Variants in CYTIP observed in about 807,000 individuals in gnomAD.
The protein encoded by CYTIP is cytohesin-interacting protein.
A neutral mutation model predicts 43.8 loss-of-function variants in CYTIP; 26 were observed. That is an observed-to-expected ratio of 0.59 (90% CI 0.44 to 0.82). The LOEUF (loss-of-function observed/expected upper bound fraction) is 0.82, where lower values mean the gene tolerates loss of function less well. CYTIP is among the 40% of genes least tolerant of loss of function. CYTIP has a pLI of 0.00. For missense variants in CYTIP, 426 were observed against 443.1 expected (o/e 0.96, Z 0.35); for synonymous variants, 162 against 162.9 (o/e 0.99, Z 0.04).
At chr2:157,433,112 C>T (rs1229944346) in intron 3 of CYTIP, among the ~76,000 whole-genome samples, 1 of 152,094 alleles carries the variant, frequency 6.6e-6, no homozygotes, top group Admixed American at 6.5e-5. Context: ...GGTGAGTAGT[C>T]GTTTATCCAG....
chr2:157,442,295 G>A (rs1057106521), intron 1 of CYTIP, among the ~76,000 whole-genome samples: 4 of 152,082 alleles, frequency 2.6e-5, no homozygotes, highest in Non-Finnish European at 4.4e-5. Flanking sequence ...TTCCCTTCTC[G>A]TCTTTTTACC....
chr2:157,418,626 A>G (rs913647641), intron 6 of CYTIP, 37 bp from the exon 7 acceptor site: 14 of 1,497,652 alleles, frequency 9.3e-6, no homozygotes, highest in Non-Finnish European at 1.3e-5. Context: ...AGTTTTTATT[A>G]TTAGGAAACC....
At chr2:157,427,447 G>A in intron 5 of CYTIP, 27 bp from the exon 6 acceptor site, 1 of 1,533,376 alleles carries the variant, frequency 6.5e-7, no homozygotes, top group Non-Finnish European at 8.8e-7. Flanking sequence ...AAAAAGAAGA[G>A]GAAGGTGGGG....
chr2:157,434,417 C>A lies in CYTIP; in HGVS notation c.232G>T (p.Val78Phe). 1.2e-6 allele frequency: 2 copies of A among 1,611,032 alleles called. 1 individual carries two copies. Among genetic ancestry groups the A allele is most frequent in the South Asian group, 2.2e-5 (2 of 90,698 alleles). The change falls in exon 3 of 8, where the codon GTT becomes TTT. Residue 78 changes from valine (V) to phenylalanine (F), a missense_variant. Coordinates refer to ENST00000264192, the MANE Select transcript of CYTIP (RefSeq NM_004288.5). ...TCATTATCCTGCTTCTCCACAGTAA[C>A]AAGCTTTCTGTAATAAAAATGTTTA... ...SDFSWSQRKL[V>F]TVEKQDNETF...
chr2:157,420,761 A>G (rs1685510695), intron 6 of CYTIP, among the ~76,000 whole-genome samples: 2 of 151,940 alleles, frequency 1.3e-5, no homozygotes, highest in Admixed American at 1.3e-4. Flanking sequence ...CGTAGGGAGT[A>G]TAAGGCTAGC....
At chr2:157,439,144 T>A (rs1685862579) in intron 1 of CYTIP, 1 of 158,920 alleles carries the variant, frequency 6.3e-6, no homozygotes, top group South Asian at 1.7e-4. Context: ...GTGGACTGAC[T>A]AATTTGGGTT....
In CYTIP at chr2:157,427,374, C is replaced by G. The variant is rs766035446; in HGVS notation, c.523G>C (p.Glu175Gln). ...GTMILKRTEL[E>Q]AKLQVLKQTL... ...ACCTTTAAAACCTGCAGCTTTGCTTCAAGCTCCGTTCTTTTCAGAATCATT... is the reference window on the plus strand; with the variant it reads ...ACCTTTAAAACCTGCAGCTTTGCTTGAAGCTCCGTTCTTTTCAGAATCATT... The change falls in exon 6 of 8, where the codon GAA (glutamate) becomes CAA (glutamine). Residue 175 changes from glutamate to glutamine, a missense_variant. Glu to Gln is a conservative substitution (Grantham distance 29, BLOSUM62 2). Transcript: ENST00000264192. The G allele has an allele frequency of 6.2e-7, 1 of 1,610,226 alleles. No homozygotes were observed. Among genetic ancestry groups the G allele is most frequent in the East Asian group, 2.2e-5 (1 of 44,816 alleles).
rs868272646 is a variant in CYTIP, at chr2:157,437,563, G to A, written c.175-2816C>T. ...AAAAATACAAAAATTAGCCAGGCAT[G>A]ATGGCAGGTGCCTGTAATCCCAGAT... On this transcript the variant is annotated intron_variant, in intron 1 of 7. Coordinates refer to ENST00000264192, the MANE Select transcript of CYTIP (RefSeq NM_004288.5). 3.3e-5 allele frequency among the ~76,000 whole-genome samples: 5 copies of A among 152,100 alleles called. 1 individual carries two copies. The South Asian group carries it at 8.3e-4, about 25-fold the overall frequency.
At chr2:157,423,340 G>GA (rs1685553948) in intron 6 of CYTIP, among the ~76,000 whole-genome samples, 1 of 151,542 alleles carries the variant, frequency 6.6e-6, no homozygotes. Context: ...CAAACTGCAA[G>GA]AAAAAAATGG....
intron 1 of CYTIP, among the ~76,000 whole-genome samples, chr2:157,441,845 C>T (rs189168605): frequency 2.4e-4 from 36 of 152,290 alleles, no homozygotes; most frequent in African/African-American, 8.2e-4. Flanking sequence ...GCAAAAGTTC[C>T]TCCCTCACCA....
intron 6 of CYTIP, among the ~76,000 whole-genome samples, chr2:157,419,566 G>C (rs147083953): frequency 2.6e-5 from 4 of 152,274 alleles, no homozygotes; most frequent in Non-Finnish European, 5.9e-5. Flanking sequence ...AAAAGACATA[G>C]CCATAGGCTC....
intron 6 of CYTIP, among the ~76,000 whole-genome samples, chr2:157,425,437 A>C (rs1424608865): frequency 6.6e-6 from 1 of 152,144 alleles, no homozygotes; most frequent in Non-Finnish European, 1.5e-5. Flanking sequence ...TTGTACTTTA[A>C]AAAAATTGAT....
In CYTIP at chr2:157,430,666, AG is replaced by A; in HGVS notation, c.383-15del. The A allele has an allele frequency of 6.2e-7, 1 of 1,608,994 alleles. No homozygotes were observed. The highest frequency in any genetic ancestry group is 8.5e-7 in the Non-Finnish European group (1 of 1,175,272). ...CAAGGACATCACCTGGGAGATGCCA[AG>A]AAAAATGAGTGTTATGTTGGTTAGT... is the stretch of plus-strand genomic sequence containing the variant. On this transcript the variant is annotated splice_polypyrimidine_tract_variant and intron_variant, in intron 4 of 7. Transcript: ENST00000264192.
chr2:157,427,468 A>C lies in CYTIP; in HGVS notation c.477-48T>G, dbSNP rs376050248. The stretch of plus-strand genomic sequence containing the variant: ...AAGAGGAAGGTGGGGAGTGAGTAAC[A>C]TGAGTGATTCGTTTAAATAAGTACC... On this transcript the variant is annotated intron_variant, in intron 5 of 7. Coordinates refer to ENST00000264192, the MANE Select transcript of CYTIP (RefSeq NM_004288.5). 6 of 1,407,126 alleles carry C rather than the reference A, an allele frequency of 4.3e-6. No homozygotes were observed. In the South Asian group the frequency reaches 7.5e-5, roughly 18 times the overall value. The allele number at this position is 1,407,126 out of a possible 1,614,324, so 87.2% of individuals were successfully genotyped here. A position where few individuals can be genotyped will look rare whatever the true frequency, so the allele number is the denominator to read the frequency against.
intron 1 of CYTIP, among the ~76,000 whole-genome samples, chr2:157,440,105 C>T (rs185680737): frequency 2.0e-4 from 31 of 152,274 alleles, no homozygotes; most frequent in Middle Eastern, 6.8e-3. Context: ...GGAGAGGTTA[C>T]TGATTCCAGA....
At chr2:157,438,349 G>T (rs1685847319) in intron 1 of CYTIP, among the ~76,000 whole-genome samples, 1 of 152,162 alleles carries the variant, frequency 6.6e-6, no homozygotes, top group Admixed American at 6.5e-5. Context: ...GTAAAAAGTA[G>T]AACAGAGGAT....
chr2:157,430,624 C>G lies in CYTIP; in HGVS notation c.411G>C (p.Val137=), dbSNP rs752276215. ...GTTTGTAGGTAAAACCTTCTGTGCT[C>G]ACACCATTGATATTTGCAAGGACAT... ...AGDVLANING[V]STEGFTYKQV... Residue 137 remains valine (V), a synonymous_variant, in exon 5 of 8, where the codon GTG becomes GTC. Transcript: ENST00000264192. The G allele has an allele frequency of 6.2e-7, 1 of 1,614,152 alleles. No individual in the cohort carries two copies. The highest frequency in any genetic ancestry group is 8.5e-7 in the Non-Finnish European group (1 of 1,180,020).
intron 3 of CYTIP, among the ~76,000 whole-genome samples, chr2:157,433,923 G>A (rs1685752412): frequency 6.6e-6 from 1 of 152,130 alleles, no homozygotes; most frequent in Admixed American, 6.5e-5. Context: ...ATGAATATAT[G>A]CATTCTATAT....
At chr2:157,439,458 G>T (rs1261580862) in intron 1 of CYTIP, 2 of 139,526 alleles carry the variant, frequency 1.4e-5, no homozygotes. Context: ...TTTGCACTTT[G>T]AAAAAAAAAA....
Sources: allele counts gnomAD v4.1 joint callset (sites outside exome capture counted in the v4.1 genomes callset), GRCh38; gene constraint gnomAD v4.1.1; transcripts MANE v1.5; gene names NCBI Gene and HGNC (gene_info 2026-07-23, HGNC 2026-07-21).